The following UBE2M variants were observed in gnomAD, a reference collection of about 807,000 sequenced individuals.
The protein encoded by UBE2M is ubiquitin conjugating enzyme E2 M.
A neutral mutation model predicts 23.5 loss-of-function variants in UBE2M; 2 were observed. That is an observed-to-expected ratio of 0.09 (90% CI 0.03 to 0.27). The LOEUF (loss-of-function observed/expected upper bound fraction) is 0.27, where lower values mean the gene tolerates loss of function less well. Ranked by LOEUF, UBE2M falls within the 10% of genes least tolerant of loss-of-function variation. UBE2M has a pLI of 1.00. For missense variants in UBE2M, 103 were observed against 232.9 expected (o/e 0.44, Z 3.63); for synonymous variants, 97 against 95.2 (o/e 1.02, Z -0.11).
In UBE2M at chr19:58,556,462, A is replaced by G; in HGVS notation, c.348-83T>C. The G allele has an allele frequency of 6.9e-7, 1 of 1,446,200 alleles. No individual in the cohort carries two copies. Among genetic ancestry groups the G allele is most frequent in the South Asian group, 1.2e-5 (1 of 85,846 alleles). 89.6% of individuals were successfully genotyped at this position (1,446,200 alleles called of 1,614,324 possible). A position where few individuals can be genotyped will look rare whatever the true frequency, so the allele number is the denominator to read the frequency against. ...CTCTGGTGTTGGGCAGGTCAGATCC[A>G]GGGCATAGGAGAGTGAGCATGTGAG... is the stretch of plus-strand genomic sequence containing the variant. On this transcript the variant is annotated intron_variant, in intron 4 of 5. Transcript: ENST00000253023. This position sits in a 1 kb window ranked among gnomAD's most constrained non-coding sequence, Gnocchi z 4.9.
At chr19:58,557,261 C>G in intron 1 of UBE2M, 104 bp from the exon 2 acceptor site, 1 of 1,163,848 alleles carries the variant, frequency 8.6e-7, no homozygotes, top group Non-Finnish European at 1.3e-6. Flanking sequence ...AGCAGAGCCC[C>G]CATCGTCTCC....
At chr19:58,557,005 C>G in intron 2 of UBE2M, 58 bp downstream of exon 2, 1 of 1,613,186 alleles carries the variant, frequency 6.2e-7, no homozygotes, top group Non-Finnish European at 8.5e-7. Flanking sequence ...ATGTCTCCCT[C>G]CTCTCAGTGG....
At chr19:58,557,233 T>G in intron 1 of UBE2M, 76 bp from the exon 2 acceptor site, 1 of 1,455,994 alleles carries the variant, frequency 6.9e-7, no homozygotes, top group Non-Finnish European at 9.6e-7. Context: ...AGCAGGACAC[T>G]TAGGGCGGGT....
Position 58,556,628 on chromosome 19 carries a change from C to T in UBE2M, c.347+59G>A. On this transcript the variant is annotated intron_variant, in intron 4 of 5. Coordinates refer to ENST00000253023, the MANE Select transcript of UBE2M (RefSeq NM_003969.4). This position sits in a 1 kb window ranked among gnomAD's most constrained non-coding sequence, Gnocchi z 4.9. ...AGAGTCTGATGTAGTGCCCACAAGA[C>T]CATGAGGGAGGCCTGGCAGGCAGCG... 7.0e-7 allele frequency: 1 copy of T among 1,421,874 alleles called. No individual in the cohort carries two copies. The highest frequency in any genetic ancestry group is 9.5e-7 in the Non-Finnish European group (1 of 1,050,480). 88.1% of individuals were successfully genotyped at this position (1,421,874 alleles called of 1,614,324 possible).
In UBE2M at chr19:58,556,261, G is replaced by A. The variant is rs372036410; in HGVS notation, c.412-32C>T. ...CCAGTACAGGTAGGGGGGGTCAACA[G>A]GCCAGAGGGACAGAAGGCCAATCTC... On this transcript the variant is annotated intron_variant, in intron 5 of 5. Coordinates refer to ENST00000253023, the MANE Select transcript of UBE2M (RefSeq NM_003969.4). This position sits in a 1 kb window ranked among gnomAD's most constrained non-coding sequence, Gnocchi z 4.9. 49 of 1,613,876 alleles carry A rather than the reference G, an allele frequency of 3.0e-5. No homozygotes were observed. In the African/African-American group the frequency reaches 4.9e-4, roughly 16 times the overall value.
Position 58,558,229 on chromosome 19 carries a change from T to C in UBE2M, c.109+44A>G. ...TCCCACATCACCCTGCCTCAGGCCC[T>C]GACCTCCGACCTCCGGCTCCAACCC... On this transcript the variant is annotated intron_variant, in intron 1 of 5. Coordinates refer to ENST00000253023, the MANE Select transcript of UBE2M (RefSeq NM_003969.4). The surrounding 1 kb of genome is among the most constrained non-coding windows in gnomAD (Gnocchi z 4.7). The C allele has an allele frequency of 6.5e-7, 1 of 1,545,858 alleles. No homozygotes were observed.
chr19:58,556,801 G>T lies in UBE2M; in HGVS notation c.244-11C>A. On this transcript the variant is annotated splice_polypyrimidine_tract_variant and intron_variant, in intron 3 of 5. Coordinates refer to ENST00000253023, the MANE Select transcript of UBE2M (RefSeq NM_003969.4). The surrounding 1 kb of genome is among the most constrained non-coding windows in gnomAD (Gnocchi z 4.9). ...GTAACCCTGGCCCACCTGGCTCCAG[G>T]AAAAGAAAAGAGAGATGGGTAGGTG... 6.2e-7 allele frequency: 1 copy of T among 1,604,274 alleles called. No individual in the cohort carries two copies. Among genetic ancestry groups the T allele is most frequent in the South Asian group, 1.1e-5 (1 of 90,244 alleles).
chr19:58,556,573 A>G lies in UBE2M; in HGVS notation c.347+114T>C, dbSNP rs928507673. The G allele has an allele frequency of 8.7e-7, 1 of 1,145,690 alleles. No homozygotes were observed. Among genetic ancestry groups the G allele is most frequent in the Non-Finnish European group, 1.2e-6 (1 of 813,300 alleles). 71.0% of individuals were successfully genotyped at this position (1,145,690 alleles called of 1,614,324 possible). On this transcript the variant is annotated intron_variant, in intron 4 of 5. Transcript: ENST00000253023. This position sits in a 1 kb window ranked among gnomAD's most constrained non-coding sequence, Gnocchi z 4.9. ...AGGAAGATGACTGGGAAATCAAGAAACCACAGACAACAAAGGGGTGGGAAG... is the reference window on the plus strand; with the variant it reads ...AGGAAGATGACTGGGAAATCAAGAAGCCACAGACAACAAAGGGGTGGGAAG...
In UBE2M at chr19:58,555,923, T is replaced by TAAA. The variant is rs565813317; in HGVS notation, c.*163_*165dup. On this transcript the variant is annotated 3_prime_UTR_variant, in exon 6 of 6. Transcript: ENST00000253023. ...AGCGCCGACCTTAATCACATGGTGT[T>TAAA]AAAAAAAAAAAAATAACTAGGGGCA... 4 of 853,938 alleles carry TAAA rather than the reference T, an allele frequency of 4.7e-6. No homozygotes were observed. Among genetic ancestry groups the TAAA allele is most frequent in the Admixed American group, 3.1e-5 (1 of 32,576 alleles). The allele number at this position is 853,938 out of a possible 1,614,324, so 52.9% of individuals were successfully genotyped here.
In UBE2M at chr19:58,556,704, G is replaced by T. The variant is rs200322455; in HGVS notation, c.330C>A (p.Val110=). The T allele has an allele frequency of 2.6e-6, 4 of 1,530,016 alleles. No homozygotes were observed. The highest frequency in any genetic ancestry group is 3.5e-6 in the Non-Finnish European group (4 of 1,140,870). The allele number at this position is 1,530,016 out of a possible 1,614,324, so 94.8% of individuals were successfully genotyped here. A position where few individuals can be genotyped will look rare whatever the true frequency, so the allele number is the denominator to read the frequency against. The part of the protein sequence containing the change: ...YHPNIDLEGN[V]CLNILREDWK... ...GTCCTCACCTGAGGATGTTGAGGCA[G>T]ACGTTGCCCTCGAGGTCAATGTTGG... The change falls in exon 4 of 6, where the codon GTC becomes GTA. Residue 110 remains valine (V), a synonymous_variant. Transcript: ENST00000253023. This position sits in a 1 kb window ranked among gnomAD's most constrained non-coding sequence, Gnocchi z 4.9.
In UBE2M at chr19:58,556,088, C is replaced by G; in HGVS notation, c.*1G>C. ...GTGGCGGGGGTGGGTATGCGCCAAC[C>G]CTATTTCAGGCAGCGCTCAAAGTAG... On this transcript the variant is annotated 3_prime_UTR_variant, in exon 6 of 6. Transcript: ENST00000253023. The surrounding 1 kb of genome is among the most constrained non-coding windows in gnomAD (Gnocchi z 4.9). 1 of 1,606,352 alleles carries G rather than the reference C, an allele frequency of 6.2e-7. No individual in the cohort carries two copies. Among genetic ancestry groups the G allele is most frequent in the Non-Finnish European group, 8.5e-7 (1 of 1,175,628 alleles).
In UBE2M at chr19:58,556,206, C is replaced by T. The variant is rs2053889460; in HGVS notation, c.435G>A (p.Leu145=). 1 of 1,614,188 alleles carries T rather than the reference C, an allele frequency of 6.2e-7. No individual in the cohort carries two copies. The highest frequency in any genetic ancestry group is 8.5e-7 in the Non-Finnish European group (1 of 1,180,010). The change falls in exon 6 of 6, where the codon CTG becomes CTA. Residue 145 remains leucine (L), a synonymous_variant. Transcript: ENST00000253023. This position sits in a 1 kb window ranked among gnomAD's most constrained non-coding sequence, Gnocchi z 4.9. The part of the protein sequence containing the change: ...LFLEPNPEDP[L]NKEAAEVLQN... ...GCAGGACCTCTGCGGCCTCCTTGTT[C>T]AGTGGGTCCTCGGGGTTGGGCTCCT...
At position 58,558,504 on chromosome 19, in the gene UBE2M, C is replaced by T. The variant is rs1225367591; in HGVS notation, c.-123G>A. On this transcript the variant is annotated 5_prime_UTR_variant, in exon 1 of 6. Transcript: ENST00000253023. The surrounding 1 kb of genome is among the most constrained non-coding windows in gnomAD (Gnocchi z 4.7). Reference sequence around the variant, plus strand: ...GCAGCTGCGGCCTCCTCCGCTGCTGCCGCCACCCGCCCGGCCTGCCGCGCC... The same window carrying T: ...GCAGCTGCGGCCTCCTCCGCTGCTGTCGCCACCCGCCCGGCCTGCCGCGCC... 6 of 334,116 alleles carry T rather than the reference C, an allele frequency of 1.8e-5. No homozygotes were observed. Among genetic ancestry groups the T allele is most frequent in the Non-Finnish European group, 2.6e-5 (6 of 235,136 alleles). 20.7% of individuals were successfully genotyped at this position (334,116 alleles called of 1,614,324 possible).
intron 2 of UBE2M, 41 bp downstream of exon 2, chr19:58,557,022 C>T: frequency 6.2e-7 from 1 of 1,613,656 alleles, no homozygotes; most frequent in Non-Finnish European, 8.5e-7. Context: ...GTGGGGACAC[C>T]CTTGGTTTGC....
rs1014183526 is a variant in UBE2M at position 58,555,843 on chromosome 19, C to G, written c.*246G>C. The G allele has an allele frequency of 1.3e-5, 7 of 558,058 alleles. No individual in the cohort carries two copies. The highest frequency in any genetic ancestry group is 1.3e-5 in the Non-Finnish European group (4 of 314,570). 34.6% of individuals were successfully genotyped at this position (558,058 alleles called of 1,614,324 possible). ...GAGTGGGGGCTGAACAAGCACCCAGCAGGGGGGCTAGACAAGCCAATTCAT... is the reference window on the plus strand; with the variant it reads ...GAGTGGGGGCTGAACAAGCACCCAGGAGGGGGGCTAGACAAGCCAATTCAT... On this transcript the variant is annotated 3_prime_UTR_variant, in exon 6 of 6. Transcript: ENST00000253023.
Position 58,556,743 on chromosome 19 carries a change from T to G in UBE2M, c.291A>C (p.Thr97=), listed in dbSNP as rs1376165122. 1 of 1,553,200 alleles carries G rather than the reference T, an allele frequency of 6.4e-7. No individual in the cohort carries two copies. Among genetic ancestry groups the G allele is most frequent in the Non-Finnish European group, 8.7e-7 (1 of 1,151,546 alleles). Residue 97 remains threonine, a synonymous_variant, in exon 4 of 6, where the codon ACA becomes ACC. Coordinates refer to ENST00000253023, the MANE Select transcript of UBE2M (RefSeq NM_003969.4). The surrounding 1 kb of genome is among the most constrained non-coding windows in gnomAD (Gnocchi z 4.9). Reference sequence around the variant, plus strand: ...GGTCAATGTTGGGGTGATAGACCATTGTCTCACACTTCACCTTGGGGGGAT... The same window carrying G: ...GGTCAATGTTGGGGTGATAGACCATGGTCTCACACTTCACCTTGGGGGGAT... The part of the protein sequence containing the change: ...PHDPPKVKCE[T]MVYHPNIDLE...
At position 58,558,335 on chromosome 19, in the gene UBE2M, G is replaced by A. The variant is rs1488509533; in HGVS notation, c.47C>T (p.Ser16Leu). 2.5e-6 allele frequency: 4 copies of A among 1,597,354 alleles called. No homozygotes were observed. Among genetic ancestry groups the A allele is most frequent in the South Asian group, 1.1e-5 (1 of 89,718 alleles). Residue 16 changes from serine (S) to leucine (L), a missense_variant, in exon 1 of 6, where the codon TCG (serine) becomes TTG (leucine). Transcript: ENST00000253023. This position sits in a 1 kb window ranked among gnomAD's most constrained non-coding sequence, Gnocchi z 4.7. Reference sequence around the variant, plus strand: ...GCTGCTGCCCTTGGTGCCGCCCGCCGACTCCTCCTCCTTCTTCTGCTGCTT... The same window carrying A: ...GCTGCTGCCCTTGGTGCCGCCCGCCAACTCCTCCTCCTTCTTCTGCTGCTT... The part of the protein sequence containing the change: ...SLKQQKKEEE[S>L]AGGTKGSSKK...
Position 58,558,384 on chromosome 19 carries a change from T to TGCC in UBE2M, c.-6_-4dup, listed in dbSNP as rs758423838. 8.7e-5 allele frequency: 122 copies of TGCC among 1,401,498 alleles called. No homozygotes were observed. The highest frequency in any genetic ancestry group is 4.9e-4 in the South Asian group (33 of 67,022). 86.8% of individuals were successfully genotyped at this position (1,401,498 alleles called of 1,614,324 possible). ...TTCAGCGAGAACAGCTTGATCATCC[T>TGCC]GCCGCCGCCGCCGCCGCTGCCGCCG... On this transcript the variant is annotated 5_prime_UTR_variant, in exon 1 of 6. Transcript: ENST00000253023. This position sits in a 1 kb window ranked among gnomAD's most constrained non-coding sequence, Gnocchi z 4.7.
In UBE2M at chr19:58,555,999, G is replaced by A. The variant is rs2053887443; in HGVS notation, c.*90C>T. The A allele has an allele frequency of 3.9e-5, 59 of 1,500,018 alleles. No individual in the cohort carries two copies. The highest frequency in any genetic ancestry group is 3.2e-4 in the South Asian group (26 of 81,296). 92.9% of individuals were successfully genotyped at this position (1,500,018 alleles called of 1,614,324 possible). On this transcript the variant is annotated 3_prime_UTR_variant, in exon 6 of 6. Transcript: ENST00000253023. Reference sequence around the variant, plus strand: ...AAGGCAGGGGATTCCCCCACCGGCCGCCCCCCAAACCCCTACCCATGGCCC... The same window carrying A: ...AAGGCAGGGGATTCCCCCACCGGCCACCCCCCAAACCCCTACCCATGGCCC...
Sources: allele counts gnomAD v4.1 joint callset, GRCh38; gene constraint gnomAD v4.1.1; non-coding constraint Gnocchi (gnomAD v3.1); transcripts MANE v1.5; gene names NCBI Gene and HGNC (gene_info 2026-07-23, HGNC 2026-07-21).